Variants in INTU observed in about 807,000 individuals in gnomAD.
INTU encodes inturned planar cell polarity protein.
In INTU, 68 loss-of-function variants were observed where a neutral mutation model predicts 100.5. The ratio of observed to expected loss-of-function variants is 0.68; its 90% CI spans 0.56 to 0.83. INTU has a LOEUF of 0.83. Among genes scored for constraint, INTU ranks in the 40% least tolerant of loss-of-function variants. The pLI is 0.00. For synonymous variants in INTU, 357 were observed against 395.7 expected (o/e 0.90, Z 1.16); for missense variants, 1,071 against 1,114.7 (o/e 0.96, Z 0.56).
intron 1 of INTU, among the ~76,000 whole-genome samples, chr4:127,640,542 C>CATATATATAT (rs869116277): frequency 5.6e-4 from 30 of 53,606 alleles, no homozygotes; most frequent in African/African-American, 7.9e-4. Flanking sequence ...GGTAAAGATA[C>CATATATATAT]ATATATATAT....
At chr4:127,664,489 C>T (rs930008411) in intron 4 of INTU, among the ~76,000 whole-genome samples, 2 of 151,980 alleles carry the variant, frequency 1.3e-5, no homozygotes, top group African/African-American at 4.8e-5. Context: ...AGGATTTGTC[C>T]ATTTTTCCCT....
Position 127,644,052 on chromosome 4 carries a change from C to T in INTU, c.678C>T (p.Leu226=), listed in dbSNP as rs773653292. Residue 226 remains leucine (L), a synonymous_variant, in exon 2 of 16, where the codon CTC becomes CTT. Coordinates refer to ENST00000335251, the MANE Select transcript of INTU (RefSeq NM_015693.4). ...CTGCTATGAAGAGCGGTCAGGTACT[C>T]ATTGGTAAGTGTTGCTGGTACACAT... ...GGSAMKSGQV[L]IGDVLVAVND... 2 of 1,610,548 alleles carry T rather than the reference C, an allele frequency of 1.2e-6. No homozygotes were observed. The highest frequency in any genetic ancestry group is 1.3e-5 in the African/African-American group (1 of 74,846).
chr4:127,708,905 T>C (rs1340786741), intron 13 of INTU, among the ~76,000 whole-genome samples: 8 of 152,220 alleles, frequency 5.3e-5, no homozygotes, highest in Non-Finnish European at 1.2e-4. Context: ...AGTCTCCCTT[T>C]ATCTCTCCAC....
chr4:127,657,302 A>G (rs1419247622), intron 3 of INTU, among the ~76,000 whole-genome samples: 1 of 152,176 alleles, frequency 6.6e-6, no homozygotes, highest in Non-Finnish European at 1.5e-5. Context: ...ATCGTAGATG[A>G]TGTTTTTCAG....
intron 1 of INTU, among the ~76,000 whole-genome samples, chr4:127,637,523 C>T (rs576966992): frequency 6.6e-6 from 1 of 152,290 alleles, no homozygotes; most frequent in African/African-American, 2.4e-5. Context: ...TTCTTCCTAT[C>T]TCTACTTGTC....
At chr4:127,647,159 T>A (rs1727629392) in intron 2 of INTU, among the ~76,000 whole-genome samples, 1 of 152,242 alleles carries the variant, frequency 6.6e-6, no homozygotes, top group Non-Finnish European at 1.5e-5. Flanking sequence ...TCACAAAGAT[T>A]GCTTTGTATT....
At chr4:127,705,958 G>T in intron 11 of INTU, 146 bp downstream of exon 11, 1 of 636,616 alleles carries the variant, frequency 1.6e-6, no homozygotes, top group Non-Finnish European at 2.7e-6. Flanking sequence ...AAAATTATTA[G>T]TATGTCTAAT....
chr4:127,676,831 G>A (rs1479423526), intron 6 of INTU, among the ~76,000 whole-genome samples: 1 of 152,156 alleles, frequency 6.6e-6, no homozygotes, highest in Non-Finnish European at 1.5e-5. Flanking sequence ...GGGTCAGGGA[G>A]TTCCCTTTCC....
At chr4:127,652,287 T>G (rs1199941842) in intron 2 of INTU, among the ~76,000 whole-genome samples, 3 of 149,292 alleles carry the variant, frequency 2.0e-5, no homozygotes, top group Non-Finnish European at 4.4e-5. Flanking sequence ...ACGGCATCCC[T>G]GTCTTGTGCC....
At chr4:127,647,015 T>C (rs1022063288) in intron 2 of INTU, among the ~76,000 whole-genome samples, 18 of 152,204 alleles carry the variant, frequency 1.2e-4, no homozygotes, top group African/African-American at 4.3e-4. Context: ...CCCATACATA[T>C]GTGCCACTCC....
At chr4:127,692,886 A>G (rs1730214287) in intron 8 of INTU, among the ~76,000 whole-genome samples, 1 of 152,142 alleles carries the variant, frequency 6.6e-6, no homozygotes, top group Non-Finnish European at 1.5e-5. Context: ...GTCAAAGATT[A>G]GTTGGCTCTA....
intron 9 of INTU, among the ~76,000 whole-genome samples, chr4:127,701,576 C>T (rs995209910): frequency 6.6e-6 from 1 of 151,974 alleles, no homozygotes; most frequent in Non-Finnish European, 1.5e-5. Context: ...TACATACATT[C>T]TGAAGTGTTT....
intron 8 of INTU, among the ~76,000 whole-genome samples, chr4:127,690,587 G>A (rs1342679146): frequency 6.6e-6 from 1 of 152,132 alleles, no homozygotes; most frequent in Non-Finnish European, 1.5e-5. Context: ...CAATACTTTT[G>A]GGAAGAGAGC....
At chr4:127,697,494 CCATTCT>C (rs1730445375) in intron 8 of INTU, among the ~76,000 whole-genome samples, 4 of 27,836 alleles carry the variant, frequency 1.4e-4, no homozygotes, top group South Asian at 1.9e-3. Flanking sequence ...ATCACCATTC[CCATTCT>C]ACTCTCTCCT....
intron 1 of INTU, among the ~76,000 whole-genome samples, chr4:127,637,760 G>A (rs949543977): frequency 3.9e-5 from 6 of 152,154 alleles, no homozygotes; most frequent in Non-Finnish European, 7.4e-5. Flanking sequence ...GTCCTGCCAG[G>A]GTTAGATTGT....
rs1432424129 is a variant in INTU at position 127,720,820 on chromosome 4, C to T, written c.*4384C>T. 6.6e-6 allele frequency: 1 copy of T among 151,868 alleles called. No homozygotes were observed. The highest frequency in any genetic ancestry group is 2.4e-5 in the African/African-American group (1 of 41,330). 9.4% of individuals were successfully genotyped at this position (151,868 alleles called of 1,614,324 possible). On this transcript the variant is annotated 3_prime_UTR_variant, in exon 16 of 16. Transcript: ENST00000335251. ...CTCTCCTTTTTCTGTTTTCCTTTTG[C>T]TTGGTAGATTTTCCTTCATCCTTTT... is the stretch of plus-strand genomic sequence containing the variant.
intron 8 of INTU, among the ~76,000 whole-genome samples, chr4:127,688,769 C>T (rs1729952135): frequency 6.6e-6 from 1 of 152,050 alleles, no homozygotes; most frequent in African/African-American, 2.4e-5. Context: ...TAGAATTGTG[C>T]CCGGCACATT....
intron 2 of INTU, among the ~76,000 whole-genome samples, chr4:127,648,885 T>C (rs970348072): frequency 7.9e-5 from 12 of 152,142 alleles, no homozygotes; most frequent in Non-Finnish European, 1.0e-4. Flanking sequence ...GTTCTTACTT[T>C]TAAGAAAAGT....
rs1731302991 is a variant in INTU at position 127,718,608 on chromosome 4, G to C, written c.*2172G>C. ...TATTTTCATGATATTGATTCTTACT[G>C]TCTGTGAGCATGGAATATTTTTCCA... On this transcript the variant is annotated 3_prime_UTR_variant, in exon 16 of 16. Transcript: ENST00000335251. 6.6e-6 allele frequency: 1 copy of C among 152,180 alleles called. No individual in the cohort carries two copies. Among genetic ancestry groups the C allele is most frequent in the Admixed American group, 6.6e-5 (1 of 15,264 alleles). 9.4% of individuals were successfully genotyped at this position (152,180 alleles called of 1,614,324 possible).
Sources: allele counts gnomAD v4.1 joint callset (sites outside exome capture counted in the v4.1 genomes callset), GRCh38; gene constraint gnomAD v4.1.1; transcripts MANE v1.5; gene names NCBI Gene and HGNC (gene_info 2026-07-23, HGNC 2026-07-21).